The following MYO3B variants were observed in gnomAD, a reference collection of about 807,000 sequenced individuals.
MYO3B encodes myosin-IIIb.
In MYO3B, 156 loss-of-function variants were observed where a neutral mutation model predicts 174.6. The observed-to-expected ratio is 0.89, with a 90% confidence interval of 0.78 to 1.02. The LOEUF is 1.02. MYO3B is among the 50% of genes least tolerant of loss of function. The probability of loss-of-function intolerance (pLI) is 0.00; values close to 1 mark genes in which losing one functional copy is unlikely to be tolerated. For missense variants in MYO3B, 1,632 were observed against 1,639.4 expected (o/e 1.00, Z 0.08); for synonymous variants, 563 against 569.1 (o/e 0.99, Z 0.15).
intron 30 of MYO3B, among the ~76,000 whole-genome samples, chr2:170,539,775 A>G (rs1206234237): frequency 6.6e-6 from 1 of 151,772 alleles, no homozygotes; most frequent in East Asian, 1.9e-4. Context: ...GCACATCACT[A>G]TGGCCCGGCT....
At chr2:170,309,284 A>G (rs888512395) in intron 7 of MYO3B, among the ~76,000 whole-genome samples, 3 of 152,200 alleles carry the variant, frequency 2.0e-5, no homozygotes, top group Non-Finnish European at 4.4e-5. Flanking sequence ...GTAATAAACC[A>G]GTGGGTTGCT....
At position 170,387,240 on chromosome 2, in the gene MYO3B, T is replaced by C. The variant is rs745965368; in HGVS notation, c.1509T>C (p.Thr503=). The C allele has an allele frequency of 6.2e-7, 1 of 1,614,028 alleles. No individual in the cohort carries two copies. Among genetic ancestry groups the C allele is most frequent in the African/African-American group, 1.3e-5 (1 of 74,940 alleles). The part of the protein sequence containing the change: ...GKYLEMMFTP[T]GVVMGARISE... The stretch of plus-strand genomic sequence containing the variant: ...ATCTGGAAATGATGTTTACACCAAC[T>C]GGAGTTGTGATGGGGGCAAGAATCT... The change falls in exon 14 of 35, where the codon ACT becomes ACC. Residue 503 remains threonine, a synonymous_variant. Transcript: ENST00000408978.
chr2:170,586,465 C>G (rs756457282), intron 32 of MYO3B, among the ~76,000 whole-genome samples: 1 of 152,188 alleles, frequency 6.6e-6, no homozygotes, highest in Non-Finnish European at 1.5e-5. Context: ...CACCCGCTCA[C>G]CACATGGGCT....
At chr2:170,382,140 A>C (rs763773729) in intron 10 of MYO3B, 28 bp downstream of exon 10, 1 of 1,562,602 alleles carries the variant, frequency 6.4e-7, no homozygotes, top group Non-Finnish European at 8.8e-7. Context: ...GACAATTCTC[A>C]TTGAAGACAT....
chr2:170,574,835 G>A (rs1266588538), intron 32 of MYO3B, among the ~76,000 whole-genome samples: 1 of 152,118 alleles, frequency 6.6e-6, no homozygotes, highest in East Asian at 1.9e-4. Context: ...CTGTTTCACT[G>A]AAGAGGAAAT....
intron 25 of MYO3B, among the ~76,000 whole-genome samples, chr2:170,476,233 G>T (rs561967172): frequency 2.1e-3 from 321 of 152,322 alleles, no homozygotes; most frequent in Non-Finnish European, 3.5e-3. Context: ...GTCTAGGAGT[G>T]GGGTGTCTGC....
chr2:170,510,333 A>G (rs577307565), intron 28 of MYO3B, among the ~76,000 whole-genome samples: 84 of 152,238 alleles, frequency 5.5e-4, no homozygotes, highest in Non-Finnish European at 9.4e-4. Flanking sequence ...TCTATTAAGT[A>G]TAATTTACAT....
chr2:170,445,403 G>T (rs1021117911), intron 23 of MYO3B, among the ~76,000 whole-genome samples: 1 of 151,420 alleles, frequency 6.6e-6, no homozygotes, highest in African/African-American at 2.4e-5. Flanking sequence ...GTGCAATGGC[G>T]TGATCTTGGC....
At chr2:170,544,432 G>A (rs933138777) in intron 32 of MYO3B, among the ~76,000 whole-genome samples, 8 of 152,118 alleles carry the variant, frequency 5.3e-5, no homozygotes, top group Admixed American at 3.3e-4. Context: ...TTTCTGGCTC[G>A]TTTTCTAAAT....
chr2:170,599,837 C>A (rs1694389106), intron 32 of MYO3B, among the ~76,000 whole-genome samples: 1 of 152,050 alleles, frequency 6.6e-6, no homozygotes, highest in Non-Finnish European at 1.5e-5. Context: ...AAAATCTTTC[C>A]CACCTTGTGA....
chr2:170,543,919 T>A lies in MYO3B; in HGVS notation c.3664T>A (p.Ser1222Thr), dbSNP rs1312025021. The A allele has an allele frequency of 1.6e-5, 26 of 1,613,300 alleles. No individual in the cohort carries two copies. The highest frequency in any genetic ancestry group is 2.1e-5 in the Non-Finnish European group (25 of 1,179,358). The change falls in exon 32 of 35, where the codon TCT becomes ACT. Residue 1222 changes from serine to threonine, a missense_variant. Transcript: ENST00000408978. ...CTCGGTTTCTGGGACTGATTTGCTG[T>A]CTTCTCGGATATGCCATCCTGCTCC... ...KHSVSGTDLL[S>T]SRICHPAPDQ...
intron 32 of MYO3B, among the ~76,000 whole-genome samples, chr2:170,609,613 T>C (rs1695016357): frequency 6.6e-6 from 1 of 152,194 alleles, no homozygotes. Flanking sequence ...CAAAAGACAA[T>C]TTATTGGGGT....
rs547776971 is a variant in MYO3B, at chr2:170,552,259, G to C, written c.3733+8271G>C. 1.5e-4 allele frequency among the ~76,000 whole-genome samples: 23 copies of C among 152,360 alleles called. No homozygotes were observed. In the South Asian group the frequency reaches 3.7e-3, roughly 25 times the overall value. On this transcript the variant is annotated intron_variant, in intron 32 of 34. Transcript: ENST00000408978. ...TGGAGGGATCAGAAGACAGGAAGGT[G>C]AGGGAAAGTTTGGAACTTCCTAGAG...
At position 170,383,725 on chromosome 2, in the gene MYO3B, C is replaced by T; in HGVS notation, c.1201C>T (p.His401Tyr). 6.2e-7 allele frequency: 1 copy of T among 1,613,360 alleles called. No individual in the cohort carries two copies. The highest frequency in any genetic ancestry group is 8.5e-7 in the Non-Finnish European group (1 of 1,179,406). ...IYSPQFSRLY[H>Y]GVKRASNPPH... ...TTTCCTTCAGTTTTCCAGACTTTAT[C>T]ATGGGGTGAAACGCGCCTCCAATCC... is the stretch of plus-strand genomic sequence containing the variant. Residue 401 changes from histidine to tyrosine, a missense_variant, in exon 12 of 35, where the codon CAT (histidine) becomes TAT (tyrosine). Transcript: ENST00000408978.
rs1256950572 is a variant in MYO3B, at chr2:170,498,621, A to C, written c.3044A>C (p.Gln1015Pro). The change falls in exon 26 of 35, where the codon CAA becomes CCA. Residue 1015 changes from glutamine (Q) to proline (P), a missense_variant. Physicochemically the swap from Gln to Pro is moderately conservative, Grantham distance 76 (BLOSUM62 -1). Transcript: ENST00000408978. ...TATTACTTGGCATTCACAGCACATC[A>C]AACACCTCTTGCTAGCAAAGAGAGC... ...RYYYLAFTAH[Q>P]TPLASKESCV... 1 of 1,614,090 alleles carries C rather than the reference A, an allele frequency of 6.2e-7. No homozygotes were observed.
intron 7 of MYO3B, among the ~76,000 whole-genome samples, chr2:170,317,753 G>A (rs113207684): frequency 4.8e-4 from 73 of 152,292 alleles, no homozygotes; most frequent in African/African-American, 1.7e-3. Flanking sequence ...TCAAAATTCT[G>A]TGGGAATTTA....
chr2:170,475,938 T>C (rs10200118), intron 25 of MYO3B, among the ~76,000 whole-genome samples: 49,563 of 152,230 alleles, frequency 0.33, 8,232 homozygotes, highest in South Asian at 0.41. Context: ...CCATAAATCC[T>C]GCCCTTAGGT....
At chr2:170,551,353 T>TTTATTTAA (rs1163386510) in intron 32 of MYO3B, among the ~76,000 whole-genome samples, 130 of 123,904 alleles carry the variant, frequency 1.0e-3, no homozygotes, top group Non-Finnish European at 1.1e-3. Context: ...AATTTAATTA[T>TTTATTTAA]TTATTTATTT....
At position 170,502,392 on chromosome 2, in the gene MYO3B, A is replaced by G. The variant is rs142763350; in HGVS notation, c.3370+527A>G. 8.3e-4 allele frequency among the ~76,000 whole-genome samples: 126 copies of G among 152,368 alleles called. 1 individual carries two copies. The highest frequency in any genetic ancestry group is 2.9e-3 in the African/African-American group (119 of 41,596). Reference sequence around the variant, plus strand: ...TAGCATCACAGAGGAGGAATCACTCAGGGAGTTTCCCAGCAAACTGTTTCC... The same window carrying G: ...TAGCATCACAGAGGAGGAATCACTCGGGGAGTTTCCCAGCAAACTGTTTCC... On this transcript the variant is annotated intron_variant, in intron 28 of 34. Coordinates refer to ENST00000408978, the MANE Select transcript of MYO3B (RefSeq NM_138995.5).
Sources: gnomAD v4.1 joint callset for allele counts (sites outside exome capture counted in the v4.1 genomes callset) on GRCh38, gnomAD v4.1.1 for gene constraint, MANE v1.5 for transcripts, NCBI Gene and HGNC (gene_info 2026-07-23, HGNC 2026-07-21) for gene names.